The following SFMBT1 variants were observed in gnomAD, a reference collection of about 807,000 sequenced individuals.
The protein encoded by SFMBT1 is scm-like with four MBT domains protein 1.
In SFMBT1, 32 loss-of-function variants were observed where a neutral mutation model predicts 108.7. That is an observed-to-expected ratio of 0.29 (90% CI 0.22 to 0.40). SFMBT1 has a LOEUF of 0.40. Ranked by LOEUF, SFMBT1 falls within the 10% of genes least tolerant of loss-of-function variation. The probability of loss-of-function intolerance (pLI) is 1.00; values close to 1 mark genes in which losing one functional copy is unlikely to be tolerated. For missense variants in SFMBT1, 816 were observed against 1,059.6 expected (o/e 0.77, Z 3.19); for synonymous variants, 348 against 369.5 (o/e 0.94, Z 0.67).
chr3:52,942,234 A>G (rs1380842098), intron 4 of SFMBT1, among the ~76,000 whole-genome samples: 1 of 152,236 alleles, frequency 6.6e-6, no homozygotes, highest in Non-Finnish European at 1.5e-5. Flanking sequence ...CCTCATTTTC[A>G]TATTTTACTG....
chr3:52,951,818 C>A (rs560454867), intron 3 of SFMBT1, among the ~76,000 whole-genome samples: 2 of 152,228 alleles, frequency 1.3e-5, no homozygotes, highest in African/African-American at 4.8e-5. Context: ...CATAAACCCA[C>A]AACCTTCCAG....
At chr3:52,927,881 T>C (rs1012138214) in intron 9 of SFMBT1, among the ~76,000 whole-genome samples, 2 of 151,984 alleles carry the variant, frequency 1.3e-5, no homozygotes, top group Non-Finnish European at 2.9e-5. Context: ...CTAACAGACA[T>C]AAAAGGGACT....
intron 5 of SFMBT1, 144 bp from the exon 6 acceptor site, chr3:52,932,452 A>C: frequency 1.3e-6 from 1 of 752,428 alleles, no homozygotes; most frequent in Non-Finnish European, 2.1e-6. Context: ...ATCATCATAC[A>C]AGCCTCTTAC....
At chr3:52,998,485 G>A (rs1400506042) in intron 1 of SFMBT1, among the ~76,000 whole-genome samples, 1 of 150,444 alleles carries the variant, frequency 6.6e-6, no homozygotes, top group East Asian at 1.9e-4. Context: ...TTCAAGCTGA[G>A]GACCACCCAC....
intron 17 of SFMBT1, among the ~76,000 whole-genome samples, chr3:52,909,318 A>T: frequency 6.6e-6 from 1 of 152,228 alleles, no homozygotes; most frequent in East Asian, 1.9e-4. Context: ...AGTATTTTTC[A>T]CTCAGCTCCT....
Position 52,960,340 on chromosome 3 carries a change from C to T in SFMBT1, c.29-5929G>A, listed in dbSNP as rs185373409. On this transcript the variant is annotated intron_variant, in intron 2 of 20. Coordinates refer to ENST00000394752, the MANE Select transcript of SFMBT1 (RefSeq NM_016329.4). ...GATTAGAAGGGAAGTACAAAAGAGGCTTAAACTGTATTATGTTTCACTTCT... is the reference window on the plus strand; with the variant it reads ...GATTAGAAGGGAAGTACAAAAGAGGTTTAAACTGTATTATGTTTCACTTCT... Among the ~76,000 whole-genome samples, 238 of 152,154 alleles carry T rather than the reference C, an allele frequency of 1.6e-3. 1 individual carries two copies. The highest frequency in any genetic ancestry group is 5.5e-3 in the African/African-American group (227 of 41,532).
At chr3:53,023,791 A>G (rs922130234) in intron 1 of SFMBT1, among the ~76,000 whole-genome samples, 106 of 152,262 alleles carry the variant, frequency 7.0e-4, no homozygotes, top group African/African-American at 2.5e-3. Flanking sequence ...CTTTTTGTAA[A>G]CAATTCCTAG....
At chr3:53,003,759 C>CAAAAAA (rs370165165) in intron 1 of SFMBT1, among the ~76,000 whole-genome samples, 3 of 81,942 alleles carry the variant, frequency 3.7e-5, no homozygotes, top group African/African-American at 5.1e-5. Flanking sequence ...ATAGAAAGGT[C>CAAAAAA]AAAAAAAAAA....
intron 1 of SFMBT1, among the ~76,000 whole-genome samples, chr3:53,006,172 T>C (rs1249707333): frequency 3.9e-5 from 6 of 152,178 alleles, no homozygotes; most frequent in Non-Finnish European, 8.8e-5. Context: ...GGAGGCCTTA[T>C]ATACCAAGAG....
intron 1 of SFMBT1, among the ~76,000 whole-genome samples, chr3:53,031,146 C>T (rs1210790605): frequency 2.6e-5 from 4 of 152,336 alleles, no homozygotes. Context: ...AGCAATCCCA[C>T]ATTAAGTGCA....
chr3:52,989,645 A>G (rs769548872), intron 1 of SFMBT1, among the ~76,000 whole-genome samples: 3 of 151,832 alleles, frequency 2.0e-5, no homozygotes, highest in Non-Finnish European at 4.4e-5. Flanking sequence ...CTAAAAATAC[A>G]AAAATTAGCT....
rs138007208 is a variant in SFMBT1 at position 52,921,751 on chromosome 3, A to G, written c.1212T>C (p.Ala404=). The G allele has an allele frequency of 7.4e-6, 12 of 1,614,142 alleles. No homozygotes were observed. Among genetic ancestry groups the G allele is most frequent in the South Asian group, 1.1e-5 (1 of 91,084 alleles). Residue 404 remains alanine (A), a synonymous_variant, in exon 11 of 21, where the codon GCT becomes GCC. Transcript: ENST00000394752. The part of the protein sequence containing the change: ...NPILPEEVCV[A]TITAVRGSYL... ...AGGAGCCTCTCACTGCAGTGATGGT[A>G]GCAACACACACTTCTTCAGGGAGAA...
At chr3:53,029,671 T>A (rs1001927933) in intron 1 of SFMBT1, among the ~76,000 whole-genome samples, 1 of 152,230 alleles carries the variant, frequency 6.6e-6, no homozygotes, top group Non-Finnish European at 1.5e-5. Context: ...GCAGCATACA[T>A]TCAGGCCTTA....
intron 3 of SFMBT1, among the ~76,000 whole-genome samples, chr3:52,945,370 G>T (rs1298811469): frequency 3.3e-5 from 5 of 151,690 alleles, no homozygotes; most frequent in African/African-American, 1.2e-4. Context: ...ATAACTAATA[G>T]ATTTAAATAA....
rs145581859 is a variant in SFMBT1, at chr3:52,941,593, CA to C, written c.364+1759del. Among the ~76,000 whole-genome samples the C allele has an allele frequency of 3.5e-3, 224 of 64,038 alleles. 2 individuals carry two copies. The highest frequency in any genetic ancestry group is 0.022 in the Middle Eastern group (1 of 46). The allele number at this position is 64,038 out of a possible 152,430, so 42.0% of individuals were successfully genotyped here. On this transcript the variant is annotated intron_variant, in intron 4 of 20. Transcript: ENST00000394752. The stretch of plus-strand genomic sequence containing the variant: ...TGGGCAACAGAGTGAGACTCTGTTT[CA>C]AAAAAAAAAAAAAAAAAAAAAAAGT...
In SFMBT1 at chr3:52,964,613, C is replaced by T. The variant is rs1182830624; in HGVS notation, c.28+4488G>A. On this transcript the variant is annotated intron_variant, in intron 2 of 20. Transcript: ENST00000394752. ...CTAGTATCAAATTAGCACTCCAGCACCCAGATTGTGGTCTCTAAATATCAT... is the reference window on the plus strand; with the variant it reads ...CTAGTATCAAATTAGCACTCCAGCATCCAGATTGTGGTCTCTAAATATCAT... 2.0e-5 allele frequency among the ~76,000 whole-genome samples: 3 copies of T among 152,206 alleles called. No individual in the cohort carries two copies. The East Asian group carries it at 5.8e-4, about 29-fold the overall frequency.
At chr3:52,922,367 T>A (rs1702544756) in intron 10 of SFMBT1, among the ~76,000 whole-genome samples, 2 of 96,848 alleles carry the variant, frequency 2.1e-5, no homozygotes, top group South Asian at 1.2e-3. Context: ...ATATCCAGCA[T>A]CCGTGTCAAA....
intron 4 of SFMBT1, among the ~76,000 whole-genome samples, chr3:52,942,256 C>T (rs868205618): frequency 6.6e-6 from 1 of 152,030 alleles, no homozygotes; most frequent in African/African-American, 2.4e-5. Context: ...AACATGAATA[C>T]CTTGTTTTTA....
At chr3:53,012,678 A>G (rs1291622370) in intron 1 of SFMBT1, among the ~76,000 whole-genome samples, 1 of 151,668 alleles carries the variant, frequency 6.6e-6, no homozygotes, top group African/African-American at 2.4e-5. Flanking sequence ...CTGGGATTAC[A>G]GGCGTGAGCC....
Sources: gnomAD v4.1 joint callset for allele counts (sites outside exome capture counted in the v4.1 genomes callset) on GRCh38, gnomAD v4.1.1 for gene constraint, MANE v1.5 for transcripts, NCBI Gene and HGNC (gene_info 2026-07-23, HGNC 2026-07-21) for gene names.